The following JAZF1 variants were observed in gnomAD, a reference collection of about 807,000 sequenced individuals.
JAZF1 encodes juxtaposed with another zinc finger protein 1.
Under a neutral mutation model 26.4 loss-of-function variants are expected in JAZF1, and 8 were observed. The ratio of observed to expected loss-of-function variants is 0.30; its 90% CI spans 0.18 to 0.55. The LOEUF is 0.55. Ranked by LOEUF, JAZF1 falls within the 20% of genes least tolerant of loss-of-function variation. JAZF1 has a pLI of 0.94. For synonymous variants in JAZF1, 126 were observed against 122.3 expected, an observed-to-expected ratio of 1.03 and a Z score of -0.20; for missense variants, 199 against 322.0, an observed-to-expected ratio of 0.62 and a Z score of 2.92.
intron 2 of JAZF1, among the ~76,000 whole-genome samples, chr7:27,942,529 C>G (rs1413244740): frequency 6.6e-6 from 1 of 152,188 alleles, no homozygotes; most frequent in Non-Finnish European, 1.5e-5. Flanking sequence ...CACACAGCAT[C>G]CCTATGAGGT....
At chr7:28,022,882 G>A (rs1378833423) in intron 1 of JAZF1, among the ~76,000 whole-genome samples, 4 of 152,096 alleles carry the variant, frequency 2.6e-5, no homozygotes, top group African/African-American at 9.7e-5. Context: ...TCAGCCTCCC[G>A]AGTAGCTGGG....
intron 3 of JAZF1, chr7:27,842,185 T>A (rs2128331664): frequency 6.6e-6 from 1 of 152,308 alleles, no homozygotes; most frequent in East Asian, 1.9e-4. Context: ...TGAAGTTTAC[T>A]CAGTGCCTAT....
intron 1 of JAZF1, among the ~76,000 whole-genome samples, chr7:28,041,119 A>C (rs899608750): frequency 1.3e-5 from 2 of 152,182 alleles, no homozygotes; most frequent in Non-Finnish European, 2.9e-5. Context: ...GTGTGTAATC[A>C]GAGAGAGTAT....
intron 1 of JAZF1, among the ~76,000 whole-genome samples, chr7:28,120,349 C>G (rs1782572307): frequency 6.6e-6 from 1 of 151,736 alleles, no homozygotes; most frequent in Non-Finnish European, 1.5e-5. Flanking sequence ...CATATCATTG[C>G]TTGAGGAATC....
chr7:27,898,174 T>C (rs904782314), intron 2 of JAZF1, among the ~76,000 whole-genome samples: 10 of 151,654 alleles, frequency 6.6e-5, no homozygotes, highest in African/African-American at 2.4e-4. Flanking sequence ...GAGCAGAAAT[T>C]CCGTTTGTGG....
chr7:27,999,178 A>T (rs532104772), intron 1 of JAZF1, among the ~76,000 whole-genome samples: 2 of 152,300 alleles, frequency 1.3e-5, no homozygotes, highest in East Asian at 3.9e-4. Flanking sequence ...TGGGGTGCTG[A>T]GATTAAACAA....
At chr7:28,006,630 GACCC>G (rs776301830) in intron 1 of JAZF1, among the ~76,000 whole-genome samples, 1 of 152,154 alleles carries the variant, frequency 6.6e-6, no homozygotes, top group Non-Finnish European at 1.5e-5. Context: ...GATATCTCCT[GACCC>G]ACCCCACTTC....
intron 2 of JAZF1, among the ~76,000 whole-genome samples, chr7:27,928,753 C>T (rs979796284): frequency 6.6e-6 from 1 of 152,114 alleles, no homozygotes; most frequent in African/African-American, 2.4e-5. Context: ...CACATGGACA[C>T]ATACAGGGGA....
chr7:28,090,426 A>G (rs1340694806), intron 1 of JAZF1, among the ~76,000 whole-genome samples: 2 of 152,350 alleles, frequency 1.3e-5, no homozygotes, highest in South Asian at 2.1e-4. Flanking sequence ...CTTATTTTTC[A>G]TAACTTTAAA....
At chr7:28,020,168 T>G (rs941460589) in intron 1 of JAZF1, among the ~76,000 whole-genome samples, 1 of 152,220 alleles carries the variant, frequency 6.6e-6, no homozygotes. Flanking sequence ...TTTTTCCTCA[T>G]GCTGAAACCC....
chr7:27,858,861 A>T (rs1014396576), intron 3 of JAZF1, among the ~76,000 whole-genome samples: 8 of 152,238 alleles, frequency 5.3e-5, no homozygotes, highest in African/African-American at 1.7e-4. Context: ...AATGGCAACA[A>T]AAGCCAAAAT....
At chr7:27,909,243 T>A (rs1421816757) in intron 2 of JAZF1, among the ~76,000 whole-genome samples, 1 of 146,260 alleles carries the variant, frequency 6.8e-6, no homozygotes, top group Admixed American at 6.7e-5. Flanking sequence ...TGAAGAAATG[T>A]GAAGTTCCAT....
At chr7:27,926,347 C>T (rs1030910134) in intron 2 of JAZF1, among the ~76,000 whole-genome samples, 1 of 152,210 alleles carries the variant, frequency 6.6e-6, no homozygotes, top group Non-Finnish European at 1.5e-5. Flanking sequence ...ATACCTTCAA[C>T]AGCAACACTG....
intron 1 of JAZF1, among the ~76,000 whole-genome samples, chr7:28,074,548 G>A (rs145558382): frequency 1.6e-3 from 237 of 152,248 alleles, no homozygotes; most frequent in African/African-American, 5.4e-3. Flanking sequence ...TTTTGTTGAT[G>A]AAATAAGCTT....
At chr7:27,975,335 T>A (rs1785451301) in intron 2 of JAZF1, among the ~76,000 whole-genome samples, 1 of 152,036 alleles carries the variant, frequency 6.6e-6, no homozygotes. Flanking sequence ...AAGGGGATAG[T>A]GCTAAATCAG....
intron 4 of JAZF1, among the ~76,000 whole-genome samples, chr7:27,834,874 T>C (rs1214079696): frequency 6.6e-6 from 1 of 152,166 alleles, no homozygotes; most frequent in African/African-American, 2.4e-5. Context: ...AAGCCATGTA[T>C]TGTGTGTGTG....
intron 2 of JAZF1, among the ~76,000 whole-genome samples, chr7:27,929,832 G>C (rs1450988578): frequency 6.6e-6 from 1 of 151,976 alleles, no homozygotes; most frequent in East Asian, 1.9e-4. Context: ...TGGGAAAAAA[G>C]CCTAGAAAGA....
At chr7:28,071,561 A>G (rs1279408810) in intron 1 of JAZF1, 4 of 469,228 alleles carry the variant, frequency 8.5e-6, no homozygotes, top group South Asian at 4.7e-5. Flanking sequence ...ATGTCCCATA[A>G]AAGTATTTTT....
intron 1 of JAZF1, among the ~76,000 whole-genome samples, chr7:28,087,573 CA>C (rs1175404671): frequency 2.0e-5 from 3 of 152,034 alleles, no homozygotes; most frequent in Admixed American, 1.3e-4. Context: ...TATTAACAAC[CA>C]ACCTCTCCAT....
Sources: allele counts gnomAD v4.1 joint callset (sites outside exome capture counted in the v4.1 genomes callset), GRCh38; gene constraint gnomAD v4.1.1; transcripts MANE v1.5; gene names NCBI Gene and HGNC (gene_info 2026-07-23, HGNC 2026-07-21).